NEBL: variants seen among roughly 807,000 people sequenced by gnomAD.
NEBL encodes the protein nebulette.
In NEBL, 122 loss-of-function variants were observed where a neutral mutation model predicts 140.2. The ratio of observed to expected loss-of-function variants is 0.87; its 90% CI spans 0.75 to 1.01. The LOEUF is 1.01. NEBL is among the 50% of genes least tolerant of loss of function. The pLI, the probability that NEBL is intolerant of heterozygous loss-of-function variation, is 0.00. For missense variants in NEBL, 1,365 were observed against 1,231.3 expected, an observed-to-expected ratio of 1.11 and a Z score of -1.62; for synonymous variants, 436 against 398.9, an observed-to-expected ratio of 1.09 and a Z score of -1.11.
At chr10:20,860,567 G>GAAAAAAAAAA (rs386370893) in intron 7 of NEBL, among the ~76,000 whole-genome samples, 1 of 118,142 alleles carries the variant, frequency 8.5e-6, no homozygotes, top group African/African-American at 3.5e-5. Flanking sequence ...ACTACAAAAA[G>GAAAAAAAAAA]AAAAAAAAAA....
upstream of NEBL, chr10:20,897,377 G>A: frequency 1.4e-6 from 2 of 1,412,850 alleles, no homozygotes; most frequent in Non-Finnish European, 1.8e-6. Flanking sequence ...GTGTGTGAGT[G>A]AACAGAAAAG....
Position 20,787,203 on chromosome 10 carries a change from A to G in NEBL, c.2867T>C (p.Leu956Pro). ...SMRSMQHSPN[L>P]RTYRAMYDYS... ...GGAACGTATCAAATGGACACTTACT[A>G]GATTTGGTGAATGCTGCATTGATCT... Residue 956 changes from leucine to proline, a missense_variant and splice_region_variant, in exon 27 of 28, where the codon CTA becomes CCA. Transcript: ENST00000377122. 6.2e-7 allele frequency: 1 copy of G among 1,605,068 alleles called. No individual in the cohort carries two copies. The highest frequency in any genetic ancestry group is 8.5e-7 in the Non-Finnish European group (1 of 1,172,994).
At chr10:20,882,467 A>G (rs1420535230) in intron 4 of NEBL, among the ~76,000 whole-genome samples, 3 of 152,178 alleles carry the variant, frequency 2.0e-5, no homozygotes, top group Admixed American at 6.5e-5. Flanking sequence ...ATTTAAGGAG[A>G]AAGTTTTTAC....
At chr10:21,276,541 T>C (rs1377019468) in intron 1 of NEBL, among the ~76,000 whole-genome samples, 2 of 152,182 alleles carry the variant, frequency 1.3e-5, no homozygotes, top group African/African-American at 4.8e-5. Flanking sequence ...CAAAACTGAT[T>C]GCCACTCGAG....
At position 21,290,919 on chromosome 10, in the gene NEBL, C is replaced by G. The variant is rs1416821826; in HGVS notation, n.182+1911G>C. ...TTATGCATGTTAGTAACTTTGCATG[C>G]CTTTTCTCCTTTTAATCTGTCTATT... On this transcript the variant is annotated intron_variant and non_coding_transcript_variant, in intron 1 of 8. Coordinates refer to the NEBL transcript ENST00000675702. 2.2e-4 allele frequency among the ~76,000 whole-genome samples: 34 copies of G among 152,172 alleles called. 2 individuals are homozygous for G. The highest frequency in any genetic ancestry group is 2.2e-3 in the Admixed American group (34 of 15,268).
intron 2 of NEBL, among the ~76,000 whole-genome samples, chr10:21,075,182 C>A (rs1305378451): frequency 6.6e-6 from 1 of 152,096 alleles, no homozygotes; most frequent in East Asian, 1.9e-4. Flanking sequence ...TCTTCTGAAA[C>A]AAGAATGGCA....
intron 3 of NEBL, among the ~76,000 whole-genome samples, chr10:21,181,426 T>C (rs1008223023): frequency 6.6e-6 from 1 of 151,254 alleles, no homozygotes; most frequent in Admixed American, 6.6e-5. Context: ...AGAGCTATCA[T>C]ATACTGTCGG....
intron 4 of NEBL, among the ~76,000 whole-genome samples, chr10:20,930,999 G>T (rs10828155): frequency 1.3e-5 from 2 of 151,874 alleles, no homozygotes; most frequent in African/African-American, 2.4e-5. Context: ...CCAGTCAATC[G>T]TGGAAAATCA....
upstream of NEBL, among the ~76,000 whole-genome samples, chr10:21,178,253 C>T (rs1841333796): frequency 6.6e-6 from 1 of 152,180 alleles, no homozygotes; most frequent in African/African-American, 2.4e-5. Flanking sequence ...AAACAATTAC[C>T]TTCCTTCATC....
At chr10:21,065,971 G>T (rs374676703) in intron 2 of NEBL, among the ~76,000 whole-genome samples, 1 of 152,180 alleles carries the variant, frequency 6.6e-6, no homozygotes, top group South Asian at 2.1e-4. Flanking sequence ...ACCTGGTTAC[G>T]TGTTAGCTGT....
intron 26 of NEBL, among the ~76,000 whole-genome samples, chr10:20,806,249 C>A (rs1837606311): frequency 6.6e-6 from 1 of 152,066 alleles, no homozygotes; most frequent in African/African-American, 2.4e-5. Flanking sequence ...GTAGAGGCAT[C>A]CAAGCAGAGG....
chr10:20,970,305 T>C (rs1197605695), intron 3 of NEBL, among the ~76,000 whole-genome samples: 2 of 152,170 alleles, frequency 1.3e-5, no homozygotes, highest in Non-Finnish European at 2.9e-5. Context: ...CTGTGCAATC[T>C]GCATTTAGGA....
intron 2 of NEBL, among the ~76,000 whole-genome samples, chr10:20,890,403 C>T (rs549294954): frequency 2.0e-5 from 3 of 152,082 alleles, no homozygotes; most frequent in South Asian, 2.1e-4. Flanking sequence ...GAAGTAGAGG[C>T]GAAATTAAAT....
intron 3 of NEBL, among the ~76,000 whole-genome samples, chr10:20,996,048 T>C (rs1441728495): frequency 6.6e-6 from 1 of 152,146 alleles, no homozygotes; most frequent in Non-Finnish European, 1.5e-5. Flanking sequence ...GCCAGCAAGG[T>C]TTAGAGAACA....
At chr10:21,141,682 A>G (rs1429569057) in intron 2 of NEBL, among the ~76,000 whole-genome samples, 1 of 152,258 alleles carries the variant, frequency 6.6e-6, no homozygotes, top group Non-Finnish European at 1.5e-5. Context: ...GACTAGAACA[A>G]GATTGAATAA....
intron 2 of NEBL, among the ~76,000 whole-genome samples, chr10:21,039,203 T>C (rs1026132225): frequency 6.6e-6 from 1 of 152,136 alleles, no homozygotes; most frequent in Non-Finnish European, 1.5e-5. Context: ...ATAGTTTCTT[T>C]TGCTGTGCAG....
chr10:21,171,133 C>A (rs1385387821), intron 2 of NEBL, among the ~76,000 whole-genome samples: 1 of 152,096 alleles, frequency 6.6e-6, no homozygotes, highest in East Asian at 1.9e-4. Flanking sequence ...GTCCAGAGTT[C>A]GAGGCCAGCC....
upstream of NEBL, among the ~76,000 whole-genome samples, chr10:21,177,623 G>A (rs889457080): frequency 5.3e-5 from 8 of 151,404 alleles, no homozygotes; most frequent in African/African-American, 1.7e-4. Flanking sequence ...TCTGCCTCCC[G>A]GGTTCACTCC....
chr10:20,828,332 G>T (rs531485891), intron 17 of NEBL, among the ~76,000 whole-genome samples, 198 bp downstream of exon 17: 1 of 151,990 alleles, frequency 6.6e-6, no homozygotes, highest in East Asian at 1.9e-4. Context: ...TTTTGAATTT[G>T]TAATTCCAAA....
Sources: gnomAD v4.1 joint callset for allele counts (sites outside exome capture counted in the v4.1 genomes callset) on GRCh38, gnomAD v4.1.1 for gene constraint, MANE v1.5 for transcripts, NCBI Gene and HGNC (gene_info 2026-07-23, HGNC 2026-07-21) for gene names.